The following GRID1 variants were observed in gnomAD, a reference collection of about 807,000 sequenced individuals.
The protein encoded by GRID1 is glutamate receptor ionotropic, delta-1.
A neutral mutation model predicts 98.0 loss-of-function variants in GRID1; 28 were observed. The ratio of observed to expected loss-of-function variants is 0.29; its 90% CI spans 0.21 to 0.39. The LOEUF is 0.39. GRID1 is among the 10% of genes least tolerant of loss of function. The pLI, the probability that GRID1 is intolerant of heterozygous loss-of-function variation, is 1.00. For missense variants in GRID1, 1,111 were observed against 1,340.5 expected (o/e 0.83, Z 2.67); for synonymous variants, 553 against 538.5 (o/e 1.03, Z -0.37).
intron 4 of GRID1, among the ~76,000 whole-genome samples, chr10:86,065,430 C>A (rs1275848225): frequency 6.6e-6 from 1 of 152,240 alleles, no homozygotes; most frequent in Admixed American, 6.5e-5. Context: ...CTACCTCATA[C>A]CCCCATCCTT....
rs1020274426 is a variant in GRID1 at position 86,028,201 on chromosome 10, C to T, written c.726+110618G>A. Among the ~76,000 whole-genome samples, 7 of 152,332 alleles carry T rather than the reference C, an allele frequency of 4.6e-5. No individual in the cohort carries two copies. In the East Asian group the frequency reaches 9.6e-4, roughly 21 times the overall value. ...AATTATGAGCAAGGAGCCACCCTAG[C>T]CTGCTCCCACTGCATATGTGTGCTG... is the stretch of plus-strand genomic sequence containing the variant. On this transcript the variant is annotated intron_variant, in intron 4 of 15. Transcript: ENST00000327946.
chr10:85,702,745 A>G (rs1476269259), intron 12 of GRID1, among the ~76,000 whole-genome samples: 2 of 151,776 alleles, frequency 1.3e-5, no homozygotes, highest in Non-Finnish European at 2.9e-5. Flanking sequence ...GAGAAGAAGA[A>G]AAAGAGCAGT....
In GRID1 at chr10:85,916,282, A is replaced by G; in HGVS notation, c.727-43T>C. The stretch of plus-strand genomic sequence containing the variant: ...ACGAACATGAACAGAAGCAAGACAG[A>G]AGCTGGCAGACACAGGATGATTGCC... On this transcript the variant is annotated intron_variant, in intron 4 of 15. Transcript: ENST00000327946. The surrounding 1 kb of genome is among the most constrained non-coding windows in gnomAD (Gnocchi z 4.0). The G allele has an allele frequency of 7.3e-7, 1 of 1,373,298 alleles. No individual in the cohort carries two copies. The highest frequency in any genetic ancestry group is 1.0e-6 in the Non-Finnish European group (1 of 960,808). 85.1% of individuals were successfully genotyped at this position (1,373,298 alleles called of 1,614,324 possible).
At chr10:86,093,070 C>T (rs765899906) in intron 4 of GRID1, among the ~76,000 whole-genome samples, 1 of 152,110 alleles carries the variant, frequency 6.6e-6, no homozygotes, top group Non-Finnish European at 1.5e-5. Flanking sequence ...AAATAAACTC[C>T]AAAAGGAACC....
At chr10:86,299,559 T>A (rs2607855) in intron 2 of GRID1, among the ~76,000 whole-genome samples, 1 of 150,942 alleles carries the variant, frequency 6.6e-6, no homozygotes, top group Non-Finnish European at 1.5e-5. Flanking sequence ...GCAAACTATC[T>A]CAAGGACAAA....
chr10:86,355,122 C>T (rs906493603), intron 2 of GRID1, among the ~76,000 whole-genome samples: 3 of 152,242 alleles, frequency 2.0e-5, no homozygotes, highest in Non-Finnish European at 2.9e-5. Context: ...CTGGGCTGGG[C>T]TATTCTAGTG....
chr10:86,113,185 C>T (rs1260625730), intron 4 of GRID1, among the ~76,000 whole-genome samples: 1 of 152,232 alleles, frequency 6.6e-6, no homozygotes, highest in Admixed American at 6.5e-5. Flanking sequence ...TGGGTCATGT[C>T]ATTGCCCTAT....
intron 4 of GRID1, among the ~76,000 whole-genome samples, chr10:86,058,065 G>GGAA (rs987969103): frequency 2.6e-5 from 4 of 152,228 alleles, no homozygotes; most frequent in African/African-American, 9.6e-5. Context: ...TCAGCTTTGG[G>GGAA]GAAGTAAAAC....
intron 8 of GRID1, among the ~76,000 whole-genome samples, chr10:85,748,535 C>T (rs779429988): frequency 1.3e-5 from 2 of 152,154 alleles, no homozygotes; most frequent in African/African-American, 2.4e-5. Flanking sequence ...TGAATTTGGG[C>T]AGACTTCAGT....
intron 5 of GRID1, among the ~76,000 whole-genome samples, chr10:85,907,735 C>T (rs1235377739): frequency 6.6e-6 from 1 of 151,872 alleles, no homozygotes; most frequent in Non-Finnish European, 1.5e-5. Context: ...AAATTAAATA[C>T]CAATATACCT....
intron 2 of GRID1, among the ~76,000 whole-genome samples, chr10:86,228,621 TCCA>T (rs546388538): frequency 8.6e-4 from 131 of 152,136 alleles, no homozygotes; most frequent in African/African-American, 3.1e-3. Context: ...ATGGGCCTAC[TCCA>T]CCAAGGCCAG....
intron 2 of GRID1, among the ~76,000 whole-genome samples, chr10:86,348,468 G>C (rs1014618285): frequency 7.2e-5 from 11 of 152,248 alleles, no homozygotes; most frequent in African/African-American, 2.7e-4. Flanking sequence ...GGAGAGAGCA[G>C]ACTGGATGCC....
chr10:85,746,021 T>C (rs1841993154), intron 8 of GRID1, among the ~76,000 whole-genome samples: 1 of 152,226 alleles, frequency 6.6e-6, no homozygotes, highest in South Asian at 2.1e-4. Flanking sequence ...GATCACTATG[T>C]GCTTTCCAAC....
intron 8 of GRID1, among the ~76,000 whole-genome samples, chr10:85,765,549 T>C (rs1842189964): frequency 6.6e-6 from 1 of 152,166 alleles, no homozygotes; most frequent in African/African-American, 2.4e-5. Flanking sequence ...CAAAATGCAG[T>C]CAAAATTTTG....
At chr10:85,886,762 T>C (rs1052861300) in intron 5 of GRID1, among the ~76,000 whole-genome samples, 8 of 152,222 alleles carry the variant, frequency 5.3e-5, no homozygotes, top group African/African-American at 1.9e-4. Flanking sequence ...AAATATATAT[T>C]TTGGCAAACC....
In GRID1 at chr10:85,822,246, A is replaced by G. The variant is rs1273966364; in HGVS notation, c.1233+32250T>C. The stretch of plus-strand genomic sequence containing the variant: ...AAAACAAACTACCATCAGAGTGAAC[A>G]GGCAACCTACAGAATGGGAGAAAAT... On this transcript the variant is annotated intron_variant, in intron 8 of 15. Coordinates refer to ENST00000327946, the MANE Select transcript of GRID1 (RefSeq NM_017551.3). Among the ~76,000 whole-genome samples the G allele has an allele frequency of 5.9e-5, 9 of 152,348 alleles. No individual in the cohort carries two copies. In the East Asian group the frequency reaches 1.2e-3, roughly 20 times the overall value.
At chr10:85,919,504 C>T (rs1841670854) in intron 4 of GRID1, among the ~76,000 whole-genome samples, 1 of 152,172 alleles carries the variant, frequency 6.6e-6, no homozygotes, top group Non-Finnish European at 1.5e-5. Context: ...TGCCTGCCTC[C>T]CCCTGTCCCC....
intron 8 of GRID1, among the ~76,000 whole-genome samples, chr10:85,783,997 T>A (rs1036115991): frequency 6.6e-6 from 1 of 152,154 alleles, no homozygotes; most frequent in African/African-American, 2.4e-5. Flanking sequence ...AACAAGAGCA[T>A]GTAATGTTCA....
At chr10:85,875,648 T>C (rs1034099589) in intron 5 of GRID1, among the ~76,000 whole-genome samples, 2 of 152,202 alleles carry the variant, frequency 1.3e-5, no homozygotes, top group African/African-American at 4.8e-5. Context: ...TTATCTTTTA[T>C]TGGTTATGCT....
Sources: gnomAD v4.1 joint callset for allele counts (sites outside exome capture counted in the v4.1 genomes callset) on GRCh38, gnomAD v4.1.1 for gene constraint, Gnocchi (gnomAD v3.1) non-coding constraint, MANE v1.5 for transcripts, NCBI Gene and HGNC (gene_info 2026-07-23, HGNC 2026-07-21) for gene names.